The following NLK variants were observed in gnomAD, a reference collection of about 807,000 sequenced individuals.
The protein encoded by NLK is nemo like kinase.
Under a neutral mutation model 59.0 loss-of-function variants are expected in NLK, and 11 were observed. The observed-to-expected ratio is 0.19, with a 90% CI of 0.12 to 0.31. The LOEUF (loss-of-function observed/expected upper bound fraction) is 0.31. Among genes scored for constraint, NLK ranks in the 10% least tolerant of loss-of-function variants. NLK has a pLI of 1.00. For synonymous variants in NLK, 235 were observed against 235.9 expected, an observed-to-expected ratio of 1.00 and a Z score of 0.03; for missense variants, 410 against 661.1, an observed-to-expected ratio of 0.62 and a Z score of 4.16.
intron 3 of NLK, among the ~76,000 whole-genome samples, chr17:28,139,828 GC>G (rs1463222662): frequency 6.6e-6 from 1 of 152,180 alleles, no homozygotes; most frequent in African/African-American, 2.4e-5. Flanking sequence ...ATGCTCTGCT[GC>G]CTCTTAATGC....
At chr17:28,052,888 G>GTTTTTT (rs768444319) in intron 1 of NLK, among the ~76,000 whole-genome samples, 3 of 112,520 alleles carry the variant, frequency 2.7e-5, no homozygotes, top group African/African-American at 3.3e-5. Context: ...GATCTCTGGT[G>GTTTTTT]TTTTTTTTTT....
chr17:28,199,390 G>A (rs539221007), downstream of NLK, among the ~76,000 whole-genome samples: 1 of 152,192 alleles, frequency 6.6e-6, no homozygotes, highest in Admixed American at 6.5e-5. Context: ...CTGAGGCTGG[G>A]TGCAGTGGCT....
intron 1 of NLK, among the ~76,000 whole-genome samples, chr17:28,081,176 C>T (rs961536389): frequency 2.0e-5 from 3 of 151,778 alleles, no homozygotes; most frequent in Admixed American, 2.0e-4. Flanking sequence ...AGGCATGGGC[C>T]ACCATGCCAG....
At chr17:28,110,490 T>G (rs899104679) in intron 1 of NLK, among the ~76,000 whole-genome samples, 1 of 139,158 alleles carries the variant, frequency 7.2e-6, no homozygotes, top group Non-Finnish European at 1.5e-5. Flanking sequence ...TTTTTTGGGT[T>G]TTTTTTTTTT....
intron 1 of NLK, among the ~76,000 whole-genome samples, chr17:28,058,568 A>T (rs1043368508): frequency 3.3e-5 from 5 of 152,106 alleles, no homozygotes; most frequent in Non-Finnish European, 4.4e-5. Flanking sequence ...TGGTCCCATG[A>T]TGGGTGCCTG....
chr17:28,193,551 G>A (rs1597731079), intron 10 of NLK, among the ~76,000 whole-genome samples: 1 of 152,188 alleles, frequency 6.6e-6, no homozygotes, highest in Admixed American at 6.5e-5. Context: ...ATTAAGCTAG[G>A]TGGCAAAGGG....
intron 1 of NLK, among the ~76,000 whole-genome samples, chr17:28,043,662 C>G (rs1004790267): frequency 6.6e-6 from 1 of 152,224 alleles, no homozygotes; most frequent in Non-Finnish European, 1.5e-5. Context: ...CCTTGGTCAT[C>G]TCGTGTGTTT....
At chr17:28,069,606 T>C (rs576045201) in intron 1 of NLK, among the ~76,000 whole-genome samples, 2 of 152,354 alleles carry the variant, frequency 1.3e-5, no homozygotes, top group South Asian at 4.1e-4. Context: ...CATTTTAGTT[T>C]TAATTTGCAT....
chr17:28,206,032 T>C, the NLK span, among the ~76,000 whole-genome samples: 1 of 152,184 alleles, frequency 6.6e-6, no homozygotes, highest in Non-Finnish European at 1.5e-5. Context: ...AGATATCATG[T>C]TGTATACTTT....
intron 2 of NLK, among the ~76,000 whole-genome samples, chr17:28,132,376 G>C (rs1906555078): frequency 1.3e-5 from 2 of 152,078 alleles, no homozygotes; most frequent in South Asian, 4.1e-4. Flanking sequence ...TCCTGTGCAG[G>C]GATTTTGGTA....
intron 1 of NLK, among the ~76,000 whole-genome samples, chr17:28,058,822 C>G (rs1481641961): frequency 6.6e-6 from 1 of 152,078 alleles, no homozygotes; most frequent in Non-Finnish European, 1.5e-5. Context: ...GATGGTGACT[C>G]TGAAAGAAGA....
At chr17:28,162,851 C>T (rs1321265718) in intron 4 of NLK, among the ~76,000 whole-genome samples, 6 of 151,206 alleles carry the variant, frequency 4.0e-5, no homozygotes, top group South Asian at 2.1e-4. Flanking sequence ...CCAGGAAGGT[C>T]GAGGCTTCAG....
chr17:28,183,080 G>A (rs1453540798), intron 7 of NLK, among the ~76,000 whole-genome samples: 2 of 152,202 alleles, frequency 1.3e-5, no homozygotes, highest in African/African-American at 2.4e-5. Flanking sequence ...GAGAAGCTGG[G>A]CACAGTGGCG....
At chr17:28,045,682 T>A (rs1909024618) in intron 1 of NLK, among the ~76,000 whole-genome samples, 1 of 152,214 alleles carries the variant, frequency 6.6e-6, no homozygotes. Context: ...TCTGAATTCC[T>A]TATTATATTT....
At chr17:28,174,439 G>A (rs1025200570) in intron 7 of NLK, among the ~76,000 whole-genome samples, 29 of 152,110 alleles carry the variant, frequency 1.9e-4, no homozygotes, top group African/African-American at 7.0e-4. Flanking sequence ...CAGTCTTGGT[G>A]TCGGCATATT....
At chr17:28,077,857 A>G (rs557843678) in intron 1 of NLK, among the ~76,000 whole-genome samples, 1 of 152,308 alleles carries the variant, frequency 6.6e-6, no homozygotes, top group Non-Finnish European at 1.5e-5. Context: ...AATTCCTATC[A>G]TAGGTCTCTC....
intron 1 of NLK, among the ~76,000 whole-genome samples, chr17:28,072,773 A>G (rs574103652): frequency 1.3e-5 from 2 of 151,860 alleles, no homozygotes; most frequent in South Asian, 4.2e-4. Context: ...AATATTGTTT[A>G]TTTTCGAATC....
At chr17:28,166,166 C>T (rs1908226673) in intron 5 of NLK, among the ~76,000 whole-genome samples, 1 of 152,112 alleles carries the variant, frequency 6.6e-6, no homozygotes, top group East Asian at 1.9e-4. Flanking sequence ...AGTGAGCCGA[C>T]ATCATGTCAG....
intron 3 of NLK, 60 bp downstream of exon 3, chr17:28,132,735 A>G: frequency 1.4e-6 from 2 of 1,410,272 alleles, no homozygotes; most frequent in Non-Finnish European, 9.9e-7. Context: ...TTGTTCTTCT[A>G]GCACCTTTTG....
Sources: allele counts gnomAD v4.1 joint callset (sites outside exome capture counted in the v4.1 genomes callset), GRCh38; gene constraint gnomAD v4.1.1; transcripts MANE v1.5; gene names NCBI Gene and HGNC (gene_info 2026-07-23, HGNC 2026-07-21).